The following DPYD variants were observed in gnomAD, a reference collection of about 807,000 sequenced individuals.
DPYD encodes the protein dihydropyrimidine dehydrogenase, also known as dihydropyrimidine dehydrogenase [NADP(+)].
A neutral mutation model predicts 116.2 loss-of-function variants in DPYD; 109 were observed. That is an observed-to-expected ratio of 0.94 (90% CI 0.80 to 1.10). The LOEUF is 1.10. Among genes scored for constraint, DPYD ranks in the 50% least tolerant of loss-of-function variants. The pLI is 0.00. For synonymous variants in DPYD, 440 were observed against 432.0 expected (o/e 1.02, Z -0.23); for missense variants, 1,302 against 1,254.5 (o/e 1.04, Z -0.57).
At chr1:97,611,893 A>T (rs772242085) in intron 8 of DPYD, among the ~76,000 whole-genome samples, 6 of 152,048 alleles carry the variant, frequency 3.9e-5, no homozygotes, top group African/African-American at 7.2e-5. Flanking sequence ...AGTAAAACGT[A>T]TTCTGATTCA....
chr1:97,179,446 C>G (rs1405579925), intron 20 of DPYD, among the ~76,000 whole-genome samples: 1 of 152,052 alleles, frequency 6.6e-6, no homozygotes, highest in Non-Finnish European at 1.5e-5. Context: ...ACAGCCAGCA[C>G]AGGACCTAGA....
intron 3 of DPYD, among the ~76,000 whole-genome samples, chr1:97,813,907 AACAC>A (rs1668445080): frequency 9.6e-6 from 1 of 104,364 alleles, no homozygotes. Flanking sequence ...CTAGATAGGA[AACAC>A]ACAGACACAC....
intron 19 of DPYD, among the ~76,000 whole-genome samples, chr1:97,222,627 A>G (rs999708548): frequency 3.3e-5 from 5 of 152,156 alleles, no homozygotes; most frequent in Non-Finnish European, 7.4e-5. Flanking sequence ...ATAATGTGAT[A>G]ACTGACACAG....
At chr1:97,512,639 G>A (rs1486451783) in intron 13 of DPYD, among the ~76,000 whole-genome samples, 1 of 151,812 alleles carries the variant, frequency 6.6e-6, no homozygotes, top group African/African-American at 2.4e-5. Context: ...CACAGGTCAA[G>A]GGGTTATTTT....
At chr1:97,270,964 T>C (rs1296688128) in intron 18 of DPYD, among the ~76,000 whole-genome samples, 1 of 152,210 alleles carries the variant, frequency 6.6e-6, no homozygotes, top group Non-Finnish European at 1.5e-5. Context: ...TGAAAGAACT[T>C]GCAAACTGCT....
intron 1 of DPYD, among the ~76,000 whole-genome samples, chr1:97,917,341 AT>A (rs1238748900): frequency 5.9e-5 from 9 of 152,010 alleles, no homozygotes; most frequent in Non-Finnish European, 1.3e-4. Context: ...TGTTCTGAAA[AT>A]TTTTTTGCCA....
At chr1:97,546,733 GC>G in intron 12 of DPYD, 9 of 1,613,122 alleles carry the variant, frequency 5.6e-6, no homozygotes, top group Non-Finnish European at 7.6e-6. Context: ...GAAGTTTCCT[GC>G]ACCAGGCAAG....
At chr1:97,751,267 G>C (rs1003828924) in intron 3 of DPYD, among the ~76,000 whole-genome samples, 1 of 150,076 alleles carries the variant, frequency 6.7e-6, no homozygotes, top group African/African-American at 2.4e-5. Flanking sequence ...ACTTCATGGA[G>C]AGGGCTTTCA....
At chr1:97,255,254 C>T (rs1449494594) in intron 18 of DPYD, among the ~76,000 whole-genome samples, 2 of 152,164 alleles carry the variant, frequency 1.3e-5, no homozygotes, top group Non-Finnish European at 2.9e-5. Context: ...ACTTATACAG[C>T]ACTTCCTATA....
chr1:97,300,462 T>C (rs1666796254), intron 18 of DPYD, among the ~76,000 whole-genome samples: 1 of 152,072 alleles, frequency 6.6e-6, no homozygotes, highest in Non-Finnish European at 1.5e-5. Flanking sequence ...TCCAGCACAT[T>C]AAAAACAACT....
At chr1:97,422,687 G>A (rs1674653972) in intron 14 of DPYD, among the ~76,000 whole-genome samples, 1 of 152,080 alleles carries the variant, frequency 6.6e-6, no homozygotes, top group South Asian at 2.1e-4. Flanking sequence ...CTATGGACCA[G>A]GAATTGGACT....
intron 3 of DPYD, among the ~76,000 whole-genome samples, chr1:97,825,455 C>A (rs1431485541): frequency 6.6e-6 from 1 of 152,076 alleles, no homozygotes; most frequent in Non-Finnish European, 1.5e-5. Flanking sequence ...GCTAGACACA[C>A]TCAGGACAAG....
At chr1:97,085,763 C>T (rs1195858528) in intron 21 of DPYD, among the ~76,000 whole-genome samples, 5 of 152,168 alleles carry the variant, frequency 3.3e-5, no homozygotes, top group African/African-American at 1.2e-4. Flanking sequence ...CTTGTACACA[C>T]ATCTGTGGAG....
At chr1:97,162,004 C>T (rs1418981871) in intron 20 of DPYD, among the ~76,000 whole-genome samples, 4 of 151,988 alleles carry the variant, frequency 2.6e-5, no homozygotes, top group Non-Finnish European at 5.9e-5. Context: ...CAAGTCTTTG[C>T]TATTGTGAAT....
intron 10 of DPYD, among the ~76,000 whole-genome samples, chr1:97,584,347 C>G (rs1484466074): frequency 6.6e-6 from 1 of 151,846 alleles, no homozygotes; most frequent in Non-Finnish European, 1.5e-5. Flanking sequence ...AAATTTTCTC[C>G]CATTCTGTAG....
At chr1:97,570,459 T>C (rs1261463544) in intron 11 of DPYD, among the ~76,000 whole-genome samples, 1 of 151,930 alleles carries the variant, frequency 6.6e-6, no homozygotes, top group Non-Finnish European at 1.5e-5. Flanking sequence ...GCAGGAATAA[T>C]TCAACAGGGA....
intron 13 of DPYD, among the ~76,000 whole-genome samples, chr1:97,492,524 A>T (rs1171794933): frequency 6.6e-6 from 1 of 152,178 alleles, no homozygotes; most frequent in Non-Finnish European, 1.5e-5. Flanking sequence ...CTAGCTATCA[A>T]TTGGACTATT....
chr1:97,186,735 G>A (rs1405226741), intron 20 of DPYD, among the ~76,000 whole-genome samples: 9 of 152,140 alleles, frequency 5.9e-5, no homozygotes, highest in Admixed American at 3.3e-4. Flanking sequence ...TGTAATCCCA[G>A]CTACTGGGGA....
At chr1:97,828,223 AT>A (rs1669340565) in intron 2 of DPYD, 27 bp from the exon 3 acceptor site, 1 of 1,601,162 alleles carries the variant, frequency 6.2e-7, no homozygotes, top group Non-Finnish European at 8.5e-7. Flanking sequence ...AATTGCATTA[AT>A]TCTCTAAGAT....
Sources: allele counts gnomAD v4.1 joint callset (sites outside exome capture counted in the v4.1 genomes callset), GRCh38; gene constraint gnomAD v4.1.1; transcripts MANE v1.5; gene names NCBI Gene and HGNC (gene_info 2026-07-23, HGNC 2026-07-21).